DOCK8: variants seen among roughly 807,000 people sequenced by gnomAD.
DOCK8 encodes the protein dedicator of cytokinesis protein 8.
DOCK8 carries 141 observed loss-of-function variants against 245.6 expected under a neutral mutation model. The observed-to-expected ratio is 0.57, with a 90% CI of 0.50 to 0.66. The LOEUF (loss-of-function observed/expected upper bound fraction) is 0.66. DOCK8 is among the 30% of genes least tolerant of loss of function. The pLI, the probability that DOCK8 is intolerant of heterozygous loss-of-function variation, is 0.00. For synonymous variants in DOCK8, 1,168 were observed against 970.2 expected, an observed-to-expected ratio of 1.20 and a Z score of -3.79; for missense variants, 2,965 against 2,603.4, an observed-to-expected ratio of 1.14 and a Z score of -3.02.
At chr9:283,561 C>T (rs2048683645) in intron 2 of DOCK8, among the ~76,000 whole-genome samples, 1 of 152,162 alleles carries the variant, frequency 6.6e-6, no homozygotes, top group Non-Finnish European at 1.5e-5. Context: ...CATCTTCCCA[C>T]CTCTCCAAGC....
intron 8 of DOCK8, 64 bp from the exon 9 acceptor site, chr9:327,958 T>A (rs2050838447): frequency 6.6e-7 from 1 of 1,521,020 alleles, no homozygotes. Context: ...TACTCCTTTT[T>A]AACATGTTTA....
chr9:289,700 A>G (rs1432703274), intron 4 of DOCK8, 119 bp downstream of exon 4: 1 of 843,266 alleles, frequency 1.2e-6, no homozygotes, highest in South Asian at 1.7e-5. Flanking sequence ...TGGCAAATAG[A>G]GTTCTCATGT....
intron 12 of DOCK8, among the ~76,000 whole-genome samples, chr9:337,478 C>A (rs1012562965): frequency 7.9e-5 from 12 of 152,202 alleles, no homozygotes; most frequent in African/African-American, 2.2e-4. Context: ...TGACAACAGT[C>A]TGGCTGGGCC....
intron 1 of DOCK8, among the ~76,000 whole-genome samples, chr9:239,515 A>G (rs937448790): frequency 1.1e-4 from 16 of 152,222 alleles, no homozygotes; most frequent in African/African-American, 3.4e-4. Flanking sequence ...GAGCAGAACC[A>G]TGAAGGAGAA....
intron 28 of DOCK8, among the ~76,000 whole-genome samples, chr9:407,973 A>G (rs895443249): frequency 1.3e-5 from 2 of 152,188 alleles, no homozygotes; most frequent in Non-Finnish European, 2.9e-5. Flanking sequence ...CTTGCCCACT[A>G]TTCCATAACA....
At chr9:278,757 C>T (rs866542117) in intron 2 of DOCK8, among the ~76,000 whole-genome samples, 6 of 152,178 alleles carry the variant, frequency 3.9e-5, no homozygotes, top group Middle Eastern at 6.3e-3. Flanking sequence ...CCAGAAGCAG[C>T]AAGGAAGCAG....
At chr9:368,258 T>C (rs748883583) in intron 15 of DOCK8, 123 bp downstream of exon 15, 6 of 854,914 alleles carry the variant, frequency 7.0e-6, no homozygotes, top group South Asian at 6.6e-5. Context: ...CTGCTCAGCA[T>C]GTGCAAGGGC....
intron 26 of DOCK8, among the ~76,000 whole-genome samples, chr9:401,441 C>T (rs920235715): frequency 2.0e-5 from 3 of 152,192 alleles, no homozygotes; most frequent in African/African-American, 7.2e-5. Flanking sequence ...GAGGCTGCTC[C>T]ACAGCACAGT....
At chr9:363,099 C>A (rs1251592750) in intron 14 of DOCK8, among the ~76,000 whole-genome samples, 1 of 152,114 alleles carries the variant, frequency 6.6e-6, no homozygotes, top group Admixed American at 6.6e-5. Context: ...AGTTTGTAAT[C>A]AAGAAAAGCC....
At chr9:413,206 A>C (rs114182408) in intron 28 of DOCK8, among the ~76,000 whole-genome samples, 2,248 of 152,296 alleles carry the variant, frequency 0.015, 56 homozygotes, top group African/African-American at 0.05. Flanking sequence ...GGGTATCCAC[A>C]CTCAAAAGAA....
chr9:359,063 T>G (rs1364208152), intron 14 of DOCK8, among the ~76,000 whole-genome samples: 1 of 152,220 alleles, frequency 6.6e-6, no homozygotes, highest in Non-Finnish European at 1.5e-5. Flanking sequence ...AGGTCCATGG[T>G]GCATTTCTAA....
At chr9:215,385 G>C in intron 1 of DOCK8, 2 of 1,584,694 alleles carry the variant, frequency 1.3e-6, no homozygotes, top group African/African-American at 1.4e-5. Context: ...GGCGCGCCAC[G>C]GAGTGTCTCA....
At chr9:463,489 T>C in intron 46 of DOCK8, 28 bp from the exon 47 acceptor site, 1 of 1,613,904 alleles carries the variant, frequency 6.2e-7, no homozygotes, top group Non-Finnish European at 8.5e-7. Context: ...AGTCATTTAT[T>C]TCTCCCACAC....
intron 1 of DOCK8, among the ~76,000 whole-genome samples, chr9:240,510 T>C (rs1242632148): frequency 2.0e-5 from 3 of 152,142 alleles, no homozygotes; most frequent in Non-Finnish European, 2.9e-5. Flanking sequence ...AAATGTATAT[T>C]TTCCTGAAGA....
At chr9:370,396 A>G (rs545196732) in intron 16 of DOCK8, 96 bp downstream of exon 16, 10 of 1,089,128 alleles carry the variant, frequency 9.2e-6, no homozygotes, top group African/African-American at 1.6e-5. Flanking sequence ...AACTATTTTT[A>G]TAATTCAGGG....
At chr9:287,902 C>T (rs1025248773) in intron 3 of DOCK8, among the ~76,000 whole-genome samples, 16 of 152,102 alleles carry the variant, frequency 1.1e-4, no homozygotes, top group African/African-American at 3.1e-4. Context: ...AGCCAGTCAC[C>T]GCAGCTTGTT....
chr9:432,792 A>T (rs1356439846), intron 37 of DOCK8, among the ~76,000 whole-genome samples: 1 of 152,122 alleles, frequency 6.6e-6, no homozygotes, highest in Non-Finnish European at 1.5e-5. Context: ...ATCTGTAGGG[A>T]TGGTAAAGGG....
At chr9:437,381 A>G (rs1005981525) in intron 39 of DOCK8, among the ~76,000 whole-genome samples, 2 of 152,190 alleles carry the variant, frequency 1.3e-5, no homozygotes, top group Non-Finnish European at 2.9e-5. Context: ...CCTCCTTTCT[A>G]GCAGTTGCAG....
chr9:273,678 A>C (rs1372983909), intron 2 of DOCK8, among the ~76,000 whole-genome samples: 1 of 149,302 alleles, frequency 6.7e-6, no homozygotes, highest in Non-Finnish European at 1.5e-5. Context: ...TCTCCATACC[A>C]GCTTTTACTC....
Sources: allele counts gnomAD v4.1 joint callset (sites outside exome capture counted in the v4.1 genomes callset), GRCh38; gene constraint gnomAD v4.1.1; transcripts MANE v1.5; gene names NCBI Gene and HGNC (gene_info 2026-07-23, HGNC 2026-07-21).